Variants in CBLB observed in about 807,000 individuals in gnomAD.
CBLB encodes the protein E3 ubiquitin-protein ligase CBL-B.
A neutral mutation model predicts 104.9 loss-of-function variants in CBLB; 31 were observed. That is an observed-to-expected ratio of 0.30 (90% CI 0.22 to 0.40). The LOEUF (loss-of-function observed/expected upper bound fraction) is 0.40. Ranked by LOEUF, CBLB falls within the 10% of genes least tolerant of loss-of-function variation. The probability of loss-of-function intolerance (pLI) is 1.00; values close to 1 mark genes in which losing one functional copy is unlikely to be tolerated. For synonymous variants in CBLB, 440 were observed against 422.6 expected (o/e 1.04, Z -0.51); for missense variants, 1,062 against 1,214.6 (o/e 0.87, Z 1.87).
chr3:105,831,752 A>T (rs761598381), intron 3 of CBLB, among the ~76,000 whole-genome samples: 2 of 152,238 alleles, frequency 1.3e-5, no homozygotes, highest in Non-Finnish European at 2.9e-5. Flanking sequence ...CTCCCCTGAA[A>T]ATATGTAGAA....
chr3:105,807,593 A>G (rs1478782203), intron 3 of CBLB, among the ~76,000 whole-genome samples: 1 of 152,164 alleles, frequency 6.6e-6, no homozygotes, highest in Non-Finnish European at 1.5e-5. Context: ...GGATATAATC[A>G]TACATTTTTA....
chr3:105,849,173 T>C (rs760231878), intron 3 of CBLB, among the ~76,000 whole-genome samples: 2 of 152,162 alleles, frequency 1.3e-5, no homozygotes, highest in African/African-American at 4.8e-5. Flanking sequence ...TGTGTCCAAA[T>C]ATATTACTAG....
At chr3:105,848,684 C>T (rs570086140) in intron 3 of CBLB, among the ~76,000 whole-genome samples, 1 of 152,134 alleles carries the variant, frequency 6.6e-6, no homozygotes, top group Admixed American at 6.5e-5. Flanking sequence ...TTCAATAAAG[C>T]GGGCAGAATC....
intron 4 of CBLB, among the ~76,000 whole-genome samples, chr3:105,769,826 C>T (rs1338370194): frequency 6.6e-6 from 1 of 152,122 alleles, no homozygotes; most frequent in Non-Finnish European, 1.5e-5. Context: ...AAGCGAAAGA[C>T]TGGAATGATT....
chr3:105,722,494 T>G (rs1284391157), intron 9 of CBLB, among the ~76,000 whole-genome samples: 1 of 152,198 alleles, frequency 6.6e-6, no homozygotes, highest in Non-Finnish European at 1.5e-5. Context: ...TTGAAGTACC[T>G]CCTACACATC....
intron 9 of CBLB, among the ~76,000 whole-genome samples, chr3:105,729,802 T>C (rs1479941985): frequency 6.6e-6 from 1 of 152,104 alleles, no homozygotes; most frequent in Admixed American, 6.6e-5. Context: ...TTTAACTAGA[T>C]TAACTTTATA....
chr3:105,859,711 T>C (rs1202884590), intron 2 of CBLB, among the ~76,000 whole-genome samples: 3 of 151,266 alleles, frequency 2.0e-5, no homozygotes, highest in Non-Finnish European at 4.4e-5. Context: ...CTATAAATGT[T>C]AGAAGAGGTT....
intron 2 of CBLB, among the ~76,000 whole-genome samples, chr3:105,865,301 T>C (rs1403781200): frequency 6.6e-6 from 1 of 152,216 alleles, no homozygotes; most frequent in Non-Finnish European, 1.5e-5. Flanking sequence ...ACATACTGAA[T>C]TCTTTCATAA....
intron 3 of CBLB, among the ~76,000 whole-genome samples, chr3:105,839,185 G>A (rs1213027841): frequency 1.3e-5 from 2 of 152,072 alleles, no homozygotes; most frequent in African/African-American, 4.8e-5. Context: ...ATAAAGGCTG[G>A]CAATCTGTAT....
intron 18 of CBLB, among the ~76,000 whole-genome samples, chr3:105,666,331 G>T (rs2064455304): frequency 6.6e-6 from 1 of 152,104 alleles, no homozygotes; most frequent in South Asian, 2.1e-4. Context: ...TATTCTACTA[G>T]AAGTTGGATC....
At chr3:105,754,527 G>GAGAGAGAGAAAC (rs1560096824) in intron 4 of CBLB, among the ~76,000 whole-genome samples, 3 of 23,392 alleles carry the variant, frequency 1.3e-4, no homozygotes, top group South Asian at 1.4e-3. Flanking sequence ...GAGAGACAGA[G>GAGAGAGAGAAAC]AGAGAGAGAG....
chr3:105,745,571 TA>T (rs2076024457), intron 6 of CBLB, among the ~76,000 whole-genome samples: 1 of 152,240 alleles, frequency 6.6e-6, no homozygotes, highest in Non-Finnish European at 1.5e-5. Flanking sequence ...ATGAATGTCT[TA>T]AAAATACCCT....
chr3:105,674,398 C>G (rs559770357), intron 17 of CBLB, among the ~76,000 whole-genome samples: 9 of 152,294 alleles, frequency 5.9e-5, no homozygotes, highest in African/African-American at 2.2e-4. Flanking sequence ...AATAAAACTT[C>G]CATTTATCTT....
chr3:105,800,797 C>T (rs887963849), intron 3 of CBLB, among the ~76,000 whole-genome samples: 1 of 151,928 alleles, frequency 6.6e-6, no homozygotes, highest in African/African-American at 2.4e-5. Flanking sequence ...AGTAAATTAC[C>T]ACAGGAAGAA....
At chr3:105,667,005 C>T (rs965648115) in intron 18 of CBLB, among the ~76,000 whole-genome samples, 3 of 152,170 alleles carry the variant, frequency 2.0e-5, no homozygotes, top group African/African-American at 7.2e-5. Context: ...GAGATCTTAA[C>T]AGAGATAAAC....
At chr3:105,786,301 T>C (rs1254766669) in intron 3 of CBLB, among the ~76,000 whole-genome samples, 2 of 152,134 alleles carry the variant, frequency 1.3e-5, no homozygotes, top group African/African-American at 4.8e-5. Flanking sequence ...TTGCCCTATT[T>C]TCAGTAAGAA....
At chr3:105,695,714 T>C (rs1412018736) in intron 12 of CBLB, among the ~76,000 whole-genome samples, 1 of 151,836 alleles carries the variant, frequency 6.6e-6, no homozygotes, top group Non-Finnish European at 1.5e-5. Flanking sequence ...TGAAATGCTG[T>C]AGTGTCTTTT....
intron 6 of CBLB, among the ~76,000 whole-genome samples, chr3:105,742,412 ATT>A (rs1359651992): frequency 6.6e-6 from 1 of 152,192 alleles, no homozygotes; most frequent in Non-Finnish European, 1.5e-5. Flanking sequence ...AAAAGAAGTG[ATT>A]TTTAAATATT....
At chr3:105,838,064 C>T (rs2088844919) in intron 3 of CBLB, among the ~76,000 whole-genome samples, 1 of 140,574 alleles carries the variant, frequency 7.1e-6, no homozygotes, top group South Asian at 2.3e-4. Flanking sequence ...AGCCTATTAC[C>T]TTTTTTTTTC....
Sources: allele counts gnomAD v4.1 joint callset (sites outside exome capture counted in the v4.1 genomes callset), GRCh38; gene constraint gnomAD v4.1.1; transcripts MANE v1.5; gene names NCBI Gene and HGNC (gene_info 2026-07-23, HGNC 2026-07-21).